IGDCC3: variants seen among roughly 807,000 people sequenced by gnomAD.
IGDCC3 encodes putative neuronal cell adhesion molecule.
In IGDCC3, 47 loss-of-function variants were observed where a neutral mutation model predicts 72.0. That is an observed-to-expected ratio of 0.65 (90% CI 0.52 to 0.83). The LOEUF is 0.83. Ranked by LOEUF, IGDCC3 falls within the 40% of genes least tolerant of loss-of-function variation. IGDCC3 has a pLI of 0.00. For missense variants in IGDCC3, 1,038 were observed against 1,091.3 expected (o/e 0.95, Z 0.69); for synonymous variants, 477 against 472.8 (o/e 1.01, Z -0.11).
intron 2 of IGDCC3, among the ~76,000 whole-genome samples, chr15:65,371,499 C>A (rs2091325704): frequency 6.6e-6 from 1 of 152,210 alleles, no homozygotes; most frequent in Admixed American, 6.5e-5. Context: ...CCTTGCTACT[C>A]AGAGTACAGC....
chr15:65,341,600 G>A (rs192275237), intron 2 of IGDCC3, among the ~76,000 whole-genome samples: 7 of 152,342 alleles, frequency 4.6e-5, no homozygotes, highest in Admixed American at 2.0e-4. Flanking sequence ...ACTATGCTAC[G>A]TGAGATAAGC....
chr15:65,362,576 T>G (rs1029101275), intron 2 of IGDCC3, among the ~76,000 whole-genome samples: 11 of 141,996 alleles, frequency 7.7e-5, no homozygotes, highest in African/African-American at 2.8e-4. Context: ...GGTGGGGGGG[T>G]GCACAGAACT....
At chr15:65,350,667 T>G (rs57091734) in intron 2 of IGDCC3, among the ~76,000 whole-genome samples, 74,590 of 151,484 alleles carry the variant, frequency 0.49, 19,592 homozygotes, top group African/African-American at 0.68. Context: ...TAACTGTGTT[T>G]CCCAGGCTGG....
intron 2 of IGDCC3, among the ~76,000 whole-genome samples, chr15:65,341,042 A>C (rs1213366864): frequency 6.6e-6 from 1 of 152,244 alleles, no homozygotes; most frequent in African/African-American, 2.4e-5. Flanking sequence ...ATTTTCCAAT[A>C]TAGTGGCCAG....
intron 8 of IGDCC3, 63 bp downstream of exon 8, chr15:65,331,346 TGCA>T: frequency 6.4e-7 from 1 of 1,569,050 alleles, no homozygotes; most frequent in Non-Finnish European, 8.7e-7. Flanking sequence ...GGTCACGACG[TGCA>T]GGATTGGAAG....
At chr15:65,345,570 A>ACACACACACACG (rs2091117901) in intron 2 of IGDCC3, among the ~76,000 whole-genome samples, 2 of 151,514 alleles carry the variant, frequency 1.3e-5, no homozygotes, top group African/African-American at 4.9e-5. Context: ...ACACACACAC[A>ACACACACACACG]CACACACACG....
In IGDCC3 at chr15:65,335,949, C is replaced by T. The variant is rs117357415; in HGVS notation, c.417G>A (p.Ser139=). 42,608 of 1,613,994 alleles carry T rather than the reference C, an allele frequency of 0.026. 725 individuals are homozygous for T. Among genetic ancestry groups the T allele is most frequent in the Middle Eastern group, 0.048 (294 of 6,062 alleles). Residue 139 remains serine, a synonymous_variant, in exon 3 of 14, where the codon TCG becomes TCA. Coordinates refer to ENST00000327987, the MANE Select transcript of IGDCC3 (RefSeq NM_004884.4). ...TGGCCTGGGGATGCACGTGGAAGTC[C>T]GACATGGCTGGGGGAAGAGAAGTGT... The part of the protein sequence containing the change: ...RKARIQAATM[S]DFHVHPQATV...
chr15:65,372,521 G>T (rs2091332499), intron 2 of IGDCC3, among the ~76,000 whole-genome samples: 1 of 152,192 alleles, frequency 6.6e-6, no homozygotes, highest in South Asian at 2.1e-4. Flanking sequence ...GGAAGGGCGT[G>T]CATTTCCAAC....
At chr15:65,374,322 T>G (rs1457058360) in intron 2 of IGDCC3, among the ~76,000 whole-genome samples, 2 of 152,132 alleles carry the variant, frequency 1.3e-5, no homozygotes, top group African/African-American at 2.4e-5. Context: ...CTGGGATACA[T>G]GGAGAATTTT....
At chr15:65,333,016 C>T (rs936145556) in intron 6 of IGDCC3, among the ~76,000 whole-genome samples, 2 of 21,614 alleles carry the variant, frequency 9.3e-5, no homozygotes, top group Non-Finnish European at 7.4e-4. Context: ...GGGGTATTGA[C>T]GGACCCGGAG....
At chr15:65,368,868 A>G (rs1258656590) in intron 2 of IGDCC3, among the ~76,000 whole-genome samples, 1 of 152,114 alleles carries the variant, frequency 6.6e-6, no homozygotes, top group Non-Finnish European at 1.5e-5. Flanking sequence ...TGGGGAGCAA[A>G]AGAGAAGCAG....
intron 2 of IGDCC3, among the ~76,000 whole-genome samples, chr15:65,369,614 C>A (rs1351146518): frequency 6.6e-6 from 1 of 152,140 alleles, no homozygotes; most frequent in Non-Finnish European, 1.5e-5. Context: ...GTTTGAGGAG[C>A]TGCGGGGGAG....
chr15:65,335,554 GA>G, intron 3 of IGDCC3, 133 bp from the exon 4 acceptor site: 1 of 999,686 alleles, frequency 1.0e-6, no homozygotes, highest in African/African-American at 1.6e-5. Flanking sequence ...CACACACTGG[GA>G]CTTTCAAAGG....
At chr15:65,338,858 C>T (rs1278365206) in intron 2 of IGDCC3, among the ~76,000 whole-genome samples, 2 of 152,164 alleles carry the variant, frequency 1.3e-5, no homozygotes, top group African/African-American at 2.4e-5. Context: ...GCTGGAGTCT[C>T]CTAAAATCTT....
intron 2 of IGDCC3, among the ~76,000 whole-genome samples, chr15:65,353,143 G>T (rs538089239): frequency 6.6e-6 from 1 of 151,468 alleles, no homozygotes; most frequent in South Asian, 2.1e-4. Context: ...CTTTACTCTT[G>T]TGGAATATAT....
chr15:65,335,147 C>CA, intron 4 of IGDCC3, 144 bp downstream of exon 4: 2 of 920,916 alleles, frequency 2.2e-6, no homozygotes, highest in Non-Finnish European at 3.2e-6. Context: ...TGTGCACCCT[C>CA]ACGCCAGGCA....
intron 2 of IGDCC3, among the ~76,000 whole-genome samples, chr15:65,343,354 G>T (rs1417317976): frequency 6.6e-6 from 1 of 151,806 alleles, no homozygotes; most frequent in African/African-American, 2.4e-5. Context: ...TGGAGCTCAA[G>T]CTGTCTGGAG....
chr15:65,330,515 C>T, intron 10 of IGDCC3, 35 bp downstream of exon 10: 1 of 1,602,346 alleles, frequency 6.2e-7, no homozygotes, highest in Non-Finnish European at 8.5e-7. Flanking sequence ...CGCACTCTGC[C>T]AAGCCCCCTA....
chr15:65,355,584 C>T (rs2091211826), intron 2 of IGDCC3: 1 of 159,840 alleles, frequency 6.3e-6, no homozygotes, highest in Admixed American at 6.6e-5. Context: ...CACAGCCGAC[C>T]GGGCCGCGCG....
Sources: allele counts gnomAD v4.1 joint callset (sites outside exome capture counted in the v4.1 genomes callset), GRCh38; gene constraint gnomAD v4.1.1; transcripts MANE v1.5; gene names NCBI Gene and HGNC (gene_info 2026-07-23, HGNC 2026-07-21).